The following ARMC8 variants were observed in gnomAD, a reference collection of about 807,000 sequenced individuals.
ARMC8 encodes armadillo repeat-containing protein 8.
A neutral mutation model predicts 99.3 loss-of-function variants in ARMC8; 20 were observed. That is an observed-to-expected ratio of 0.20 (90% CI 0.14 to 0.29). The LOEUF (loss-of-function observed/expected upper bound fraction) is 0.29, where lower values mean the gene tolerates loss of function less well. Ranked by LOEUF, ARMC8 falls within the 10% of genes least tolerant of loss-of-function variation. ARMC8 has a pLI of 1.00. For synonymous variants in ARMC8, 263 were observed against 278.3 expected (o/e 0.95, Z 0.55); for missense variants, 569 against 809.5 (o/e 0.70, Z 3.60).
At chr3:138,268,184 A>C (rs2048455555) in intron 15 of ARMC8, among the ~76,000 whole-genome samples, 1 of 152,168 alleles carries the variant, frequency 6.6e-6, no homozygotes, top group African/African-American at 2.4e-5. Context: ...CAAAGGTTGC[A>C]GTGAGCTGAG....
At chr3:138,195,784 T>C (rs2043696405) in intron 1 of ARMC8, among the ~76,000 whole-genome samples, 1 of 150,530 alleles carries the variant, frequency 6.6e-6, no homozygotes, top group African/African-American at 2.4e-5. Context: ...ACTGTTGAGA[T>C]AGAAATTAAA....
chr3:138,235,020 C>T lies in ARMC8; in HGVS notation c.529-14C>T. The T allele has an allele frequency of 1.9e-6, 3 of 1,606,892 alleles. No individual in the cohort carries two copies. Among genetic ancestry groups the T allele is most frequent in the Middle Eastern group, 1.7e-4 (1 of 6,032 alleles). On this transcript the variant is annotated splice_polypyrimidine_tract_variant and intron_variant, in intron 6 of 21. Transcript: ENST00000469044. ...ACTCTTCTAAATATATTGTTGTATT[C>T]TTTTTTCTTACAGGGGCCAGATCAT...
chr3:138,251,502 A>C (rs1396270399), intron 12 of ARMC8, among the ~76,000 whole-genome samples: 1 of 152,158 alleles, frequency 6.6e-6, no homozygotes, highest in Admixed American at 6.6e-5. Context: ...ATTCATTCGG[A>C]TTTCATAATT....
At chr3:138,291,004 G>A (rs1050420822) in intron 21 of ARMC8, among the ~76,000 whole-genome samples, 1 of 152,182 alleles carries the variant, frequency 6.6e-6, no homozygotes, top group Admixed American at 6.5e-5. Context: ...CTGAACACCC[G>A]TTTTGTGCCA....
At chr3:138,228,506 C>T (rs2045811284) in intron 5 of ARMC8, among the ~76,000 whole-genome samples, 1 of 152,174 alleles carries the variant, frequency 6.6e-6, no homozygotes, top group South Asian at 2.1e-4. Context: ...TGCTTAACAT[C>T]TCGGAGATCA....
chr3:138,208,124 A>T (rs1309452543), intron 1 of ARMC8, among the ~76,000 whole-genome samples: 5 of 149,302 alleles, frequency 3.3e-5, no homozygotes, highest in Non-Finnish European at 7.4e-5. Context: ...GTTTTAAAGG[A>T]GGTATTTGAG....
At chr3:138,259,945 G>A (rs1444586298) in intron 12 of ARMC8, among the ~76,000 whole-genome samples, 1 of 152,088 alleles carries the variant, frequency 6.6e-6, no homozygotes, top group African/African-American at 2.4e-5. Context: ...TGGCCCCATG[G>A]TCCCTGTCAT....
chr3:138,290,493 A>G, intron 20 of ARMC8, 53 bp from the exon 21 acceptor site: 1 of 1,316,782 alleles, frequency 7.6e-7, no homozygotes, highest in Non-Finnish European at 1.1e-6. Flanking sequence ...TTGTACATCA[A>G]AGAGAGCATT....
intron 12 of ARMC8, among the ~76,000 whole-genome samples, chr3:138,247,951 G>A (rs146212937): frequency 1.1e-4 from 17 of 152,268 alleles, no homozygotes; most frequent in Non-Finnish European, 2.5e-4. Context: ...TGCAGAAATC[G>A]TACACAGAGT....
chr3:138,242,275 G>A (rs372854785), intron 11 of ARMC8, among the ~76,000 whole-genome samples: 2 of 152,122 alleles, frequency 1.3e-5, no homozygotes, highest in Admixed American at 6.5e-5. Context: ...TGACATAACC[G>A]TATAATCTTA....
At chr3:138,228,399 G>A (rs1351960645) in intron 5 of ARMC8, among the ~76,000 whole-genome samples, 1 of 152,214 alleles carries the variant, frequency 6.6e-6, no homozygotes, top group Admixed American at 6.5e-5. Flanking sequence ...AGAGTGGGCT[G>A]TACCTGAGAA....
At chr3:138,246,453 T>C (rs1482556363) in intron 12 of ARMC8, 3 of 985,378 alleles carry the variant, frequency 3.0e-6, no homozygotes, top group Non-Finnish European at 3.6e-6. Context: ...TTTGGGTACG[T>C]TGGTGTATTG....
At chr3:138,255,423 C>T (rs1449854001) in intron 12 of ARMC8, among the ~76,000 whole-genome samples, 11 of 151,874 alleles carry the variant, frequency 7.2e-5, no homozygotes, top group Admixed American at 2.6e-4. Flanking sequence ...AGGACAGTCT[C>T]GATCTCCTGA....
intron 12 of ARMC8, 134 bp downstream of exon 12, chr3:138,245,317 T>C: frequency 6.4e-7 from 1 of 1,552,612 alleles, no homozygotes; most frequent in Non-Finnish European, 8.7e-7. Flanking sequence ...AAAGGCATAA[T>C]TGAAGAATGA....
In ARMC8 at chr3:138,252,284, C is replaced by T. The variant is rs140950041; in HGVS notation, c.1134+7101C>T. 2.4e-4 allele frequency among the ~76,000 whole-genome samples: 36 copies of T among 152,116 alleles called. 2 individuals carry two copies. In the East Asian group the frequency reaches 5.2e-3, roughly 22 times the overall value. Reference sequence around the variant, plus strand: ...ATGTCCGTAAAGTTATATTGCCGTACGACCTTGTTGGTTTATGTGTTGACT... The same window carrying T: ...ATGTCCGTAAAGTTATATTGCCGTATGACCTTGTTGGTTTATGTGTTGACT... On this transcript the variant is annotated intron_variant, in intron 12 of 21. Transcript: ENST00000469044.
Position 138,229,020 on chromosome 3 carries a change from A to G in ARMC8, c.528+10A>G. Reference sequence around the variant, plus strand: ...CTCACACTGCTGTAAAGTAAGAACCAGAATAAATGTTATCTATAATGTAAA... The same window carrying G: ...CTCACACTGCTGTAAAGTAAGAACCGGAATAAATGTTATCTATAATGTAAA... On this transcript the variant is annotated intron_variant, in intron 6 of 21. Transcript: ENST00000469044. The G allele has an allele frequency of 6.3e-7, 1 of 1,584,864 alleles. No individual in the cohort carries two copies.
At chr3:138,190,241 T>A (rs1186857976) in intron 1 of ARMC8, among the ~76,000 whole-genome samples, 2 of 152,002 alleles carry the variant, frequency 1.3e-5, no homozygotes, top group African/African-American at 4.8e-5. Flanking sequence ...AGGCCCAAGT[T>A]TATATTCAGC....
intron 1 of ARMC8, among the ~76,000 whole-genome samples, chr3:138,194,395 T>C (rs2043584888): frequency 7.2e-6 from 1 of 138,628 alleles, no homozygotes; most frequent in South Asian, 2.3e-4. Context: ...TGGAGTGCAG[T>C]GGCGCGATCT....
At chr3:138,187,725 G>A in intron 1 of ARMC8, 126 bp downstream of exon 1, 1 of 1,056,608 alleles carries the variant, frequency 9.5e-7, no homozygotes, top group East Asian at 2.7e-5. Flanking sequence ...TCAGTCTCGG[G>A]CCAGGGAGTG....
Sources: gnomAD v4.1 joint callset for allele counts (sites outside exome capture counted in the v4.1 genomes callset) on GRCh38, gnomAD v4.1.1 for gene constraint, MANE v1.5 for transcripts, NCBI Gene and HGNC (gene_info 2026-07-23, HGNC 2026-07-21) for gene names.